The following NBEA variants were observed in gnomAD, a reference collection of about 807,000 sequenced individuals.
NBEA encodes the protein lysosomal-trafficking regulator 2.
A neutral mutation model predicts 343.4 loss-of-function variants in NBEA; 44 were observed. The observed-to-expected ratio is 0.13, with a 90% CI of 0.10 to 0.16. NBEA has a LOEUF of 0.16. Ranked by LOEUF, NBEA falls within the 10% of genes least tolerant of loss-of-function variation. The probability of loss-of-function intolerance (pLI) is 1.00; values close to 1 mark genes in which losing one functional copy is unlikely to be tolerated. For missense variants in NBEA, 2,555 were observed against 3,631.3 expected (o/e 0.70, Z 7.62); for synonymous variants, 1,175 against 1,238.7 (o/e 0.95, Z 1.08).
chr13:35,359,840 G>A (rs1190662664), intron 38 of NBEA, among the ~76,000 whole-genome samples: 1 of 149,204 alleles, frequency 6.7e-6, no homozygotes, highest in Non-Finnish European at 1.5e-5. Flanking sequence ...GTATGTGTGT[G>A]TGTGTGTGTG....
At chr13:35,149,859 A>G (rs938611521) in intron 18 of NBEA, among the ~76,000 whole-genome samples, 1 of 152,342 alleles carries the variant, frequency 6.6e-6, no homozygotes, top group South Asian at 2.1e-4. Context: ...AGAAAATTTC[A>G]TATACATGTA....
intron 46 of NBEA, among the ~76,000 whole-genome samples, chr13:35,588,508 A>G (rs1278347884): frequency 6.6e-6 from 1 of 152,216 alleles, no homozygotes; most frequent in Non-Finnish European, 1.5e-5. Context: ...TATAACAACA[A>G]TAATAATTGC....
rs35343385 is a variant in NBEA, at chr13:35,633,016, GA to G, written c.7617+4785del. Among the ~76,000 whole-genome samples the G allele has an allele frequency of 7.1e-3, 832 of 117,298 alleles. 5 individuals are homozygous for G. The highest frequency in any genetic ancestry group is 0.017 in the African/African-American group (535 of 31,858). The allele number at this position is 117,298 out of a possible 152,430, so 77.0% of individuals were successfully genotyped here. A position where few individuals can be genotyped will look rare whatever the true frequency, so the allele number is the denominator to read the frequency against. Reference sequence around the variant, plus strand: ...GCTTCAATGAAGCAAGTCTTATTTTGAAAAAAAAAAAAAAAAATTATCTGGG... The same window carrying G: ...GCTTCAATGAAGCAAGTCTTATTTTGAAAAAAAAAAAAAAAATTATCTGGG... On this transcript the variant is annotated intron_variant, in intron 49 of 58. Coordinates refer to ENST00000379939, the MANE Select transcript of NBEA (RefSeq NM_001385012.1).
intron 41 of NBEA, among the ~76,000 whole-genome samples, chr13:35,526,630 TG>T (rs2057081335): frequency 6.6e-6 from 1 of 152,226 alleles, no homozygotes; most frequent in South Asian, 2.1e-4. Flanking sequence ...TCCCAAGTTT[TG>T]CTTGGGCCCA....
chr13:35,566,006 TAA>T (rs892799381), intron 44 of NBEA, among the ~76,000 whole-genome samples: 1 of 152,206 alleles, frequency 6.6e-6, no homozygotes, highest in Non-Finnish European at 1.5e-5. Flanking sequence ...ATTCTTGATA[TAA>T]GTTTAACATA....
intron 1 of NBEA, among the ~76,000 whole-genome samples, chr13:34,996,273 T>G (rs1355031789): frequency 6.6e-6 from 1 of 152,180 alleles, no homozygotes; most frequent in Non-Finnish European, 1.5e-5. Context: ...AATATAAAAT[T>G]GCATAAAATT....
rs149449256 is a variant in NBEA at position 35,346,749 on chromosome 13, A to G, written c.5904-2359A>G. Reference sequence around the variant, plus strand: ...AAGATTTTACTGGTGCCGCTGTCATATTGTCAGAACCGTTCCCACTGGTCC... The same window carrying G: ...AAGATTTTACTGGTGCCGCTGTCATGTTGTCAGAACCGTTCCCACTGGTCC... On this transcript the variant is annotated intron_variant, in intron 36 of 58. Coordinates refer to ENST00000379939, the MANE Select transcript of NBEA (RefSeq NM_001385012.1). Among the ~76,000 whole-genome samples the G allele has an allele frequency of 1.1e-3, 160 of 152,198 alleles. 1 individual carries two copies. Among genetic ancestry groups the G allele is most frequent in the Admixed American group, 7.4e-3 (113 of 15,266 alleles).
intron 1 of NBEA, among the ~76,000 whole-genome samples, chr13:34,956,669 A>G (rs1475236462): frequency 6.6e-6 from 1 of 152,204 alleles, no homozygotes; most frequent in Admixed American, 6.5e-5. Flanking sequence ...AAGAACACTC[A>G]AAATCTTCTG....
chr13:35,075,512 A>G (rs1178086245), intron 10 of NBEA, among the ~76,000 whole-genome samples: 2 of 152,088 alleles, frequency 1.3e-5, no homozygotes, highest in Non-Finnish European at 2.9e-5. Context: ...TACAATAAAT[A>G]CAGTTTGTTT....
intron 33 of NBEA, among the ~76,000 whole-genome samples, chr13:35,225,051 C>T (rs2074575096): frequency 6.6e-6 from 1 of 152,072 alleles, no homozygotes; most frequent in African/African-American, 2.4e-5. Flanking sequence ...GAGTGTCTTA[C>T]TCACTATTTC....
intron 38 of NBEA, among the ~76,000 whole-genome samples, chr13:35,421,456 C>A (rs879493820): frequency 7.9e-5 from 12 of 152,152 alleles, no homozygotes; most frequent in Admixed American, 7.2e-4. Flanking sequence ...TTTCACATCC[C>A]TTTGCCTTCC....
At chr13:35,221,941 A>G (rs2074392976) in intron 33 of NBEA, among the ~76,000 whole-genome samples, 1 of 152,320 alleles carries the variant, frequency 6.6e-6, no homozygotes, top group Non-Finnish European at 1.5e-5. Context: ...CTTCAGGATC[A>G]TGGTCAAATA....
chr13:35,268,886 A>G (rs1347931610), intron 34 of NBEA, among the ~76,000 whole-genome samples: 2 of 152,258 alleles, frequency 1.3e-5, no homozygotes, highest in Non-Finnish European at 2.9e-5. Context: ...TGCTAAAATG[A>G]TAGACTGCCA....
chr13:35,415,026 G>C (rs1012062464), intron 38 of NBEA, among the ~76,000 whole-genome samples: 50 of 152,274 alleles, frequency 3.3e-4, no homozygotes, highest in African/African-American at 1.2e-3. Flanking sequence ...CTGCATAAAT[G>C]TCTTCTTTTG....
intron 1 of NBEA, among the ~76,000 whole-genome samples, chr13:34,967,743 T>C (rs1400340431): frequency 6.6e-6 from 1 of 152,048 alleles, no homozygotes; most frequent in Non-Finnish European, 1.5e-5. Flanking sequence ...CCTGCAGTTG[T>C]AGTGGAAAGG....
At chr13:35,062,925 T>TA (rs2063517299) in intron 8 of NBEA, among the ~76,000 whole-genome samples, 2 of 151,968 alleles carry the variant, frequency 1.3e-5, no homozygotes, top group Non-Finnish European at 2.9e-5. Context: ...AAAGTTGCTG[T>TA]ATTTTACAAT....
intron 33 of NBEA, among the ~76,000 whole-genome samples, chr13:35,217,844 A>G (rs1361451807): frequency 1.3e-5 from 2 of 152,082 alleles, no homozygotes; most frequent in Non-Finnish European, 2.9e-5. Context: ...CAGCTCCTTC[A>G]TAATTATTCT....
chr13:35,015,127 G>GAAAAAAAAAA lies in NBEA; in HGVS notation c.295-25803_295-25794dup, dbSNP rs771271035. 1.6e-4 allele frequency among the ~76,000 whole-genome samples: 3 copies of GAAAAAAAAAA among 18,328 alleles called. 1 individual carries two copies. The highest frequency in any genetic ancestry group is 2.4e-4 in the African/African-American group (1 of 4,156). 12.0% of individuals were successfully genotyped at this position (18,328 alleles called of 152,430 possible). A position where few individuals can be genotyped will look rare whatever the true frequency, so the allele number is the denominator to read the frequency against. ...TTCTCAACAAAAAGCAACGAGATCT[G>GAAAAAAAAAA]AAAAAAAAAAAACAAACAAAAAAAA... On this transcript the variant is annotated intron_variant, in intron 1 of 58. Coordinates refer to ENST00000379939, the MANE Select transcript of NBEA (RefSeq NM_001385012.1).
chr13:34,982,291 T>C lies in NBEA; in HGVS notation c.294+39177T>C, dbSNP rs796680486. 7.2e-5 allele frequency among the ~76,000 whole-genome samples: 11 copies of C among 151,794 alleles called. 1 individual carries two copies. The highest frequency in any genetic ancestry group is 2.7e-4 in the African/African-American group (11 of 41,306). On this transcript the variant is annotated intron_variant, in intron 1 of 58. Coordinates refer to ENST00000379939, the MANE Select transcript of NBEA (RefSeq NM_001385012.1). ...TTTTTGAAGGCATTTCTAAAGATTT[T>C]GTTGTTATTGATTTTTTTTTTTGAG...
Sources: allele counts gnomAD v4.1 joint callset (sites outside exome capture counted in the v4.1 genomes callset), GRCh38; gene constraint gnomAD v4.1.1; transcripts MANE v1.5; gene names NCBI Gene and HGNC (gene_info 2026-07-23, HGNC 2026-07-21).